SAXO2: variants seen among roughly 807,000 people sequenced by gnomAD.
SAXO2 encodes the protein family with sequence similarity 154, member B.
In SAXO2, 17 loss-of-function variants were observed where a neutral mutation model predicts 18.7. The observed-to-expected ratio is 0.91, with a 90% confidence interval of 0.62 to 1.36. The LOEUF is 1.36. Ranked by LOEUF, SAXO2 falls within the 40% of genes most tolerant of loss-of-function variation. SAXO2 has a pLI of 0.00. For synonymous variants in SAXO2, 163 were observed against 181.2 expected, an observed-to-expected ratio of 0.90 and a Z score of 0.81; for missense variants, 486 against 562.6, an observed-to-expected ratio of 0.86 and a Z score of 1.38.
chr15:82,271,708 T>C lies in SAXO2; in HGVS notation c.339T>C (p.Asp113=), dbSNP rs1252630825. Residue 113 remains aspartate (D), a synonymous_variant, in exon 3 of 4, where the codon GAT becomes GAC. Transcript: ENST00000682753. ...KIDLGTTYKR[D]LNSYKVQPVA... ...ATCTTGGTACTACCTACAAACGGGATTTGAATTCGTATAAAGTGCAGCCTG... is the reference window on the plus strand; with the variant it reads ...ATCTTGGTACTACCTACAAACGGGACTTGAATTCGTATAAAGTGCAGCCTG... 1.2e-6 allele frequency: 2 copies of C among 1,614,080 alleles called. No homozygotes were observed. The highest frequency in any genetic ancestry group is 8.5e-7 in the Non-Finnish European group (1 of 1,179,970).
Position 82,263,153 on chromosome 15 carries a change from A to G in SAXO2, c.53+221A>G, listed in dbSNP as rs543949582. ...TTTGTTCGTAGCCCCTGAGACTCCCAATCAAGGATGCAAAGTAAAATGCCA... is the reference window on the plus strand; with the variant it reads ...TTTGTTCGTAGCCCCTGAGACTCCCGATCAAGGATGCAAAGTAAAATGCCA... On this transcript the variant is annotated intron_variant, in intron 1 of 3. Transcript: ENST00000682753. 35 of 1,456,518 alleles carry G rather than the reference A, an allele frequency of 2.4e-5. No homozygotes were observed. In the East Asian group the frequency reaches 7.2e-4, roughly 30 times the overall value. The allele number at this position is 1,456,518 out of a possible 1,614,324, so 90.2% of individuals were successfully genotyped here. A position where few individuals can be genotyped will look rare whatever the true frequency, so the allele number is the denominator to read the frequency against.
chr15:82,282,135 G>A lies in SAXO2; in HGVS notation c.450G>A (p.Trp150Ter). 1 of 1,610,684 alleles carries A rather than the reference G, an allele frequency of 6.2e-7. No individual in the cohort carries two copies. The highest frequency in any genetic ancestry group is 8.5e-7 in the Non-Finnish European group (1 of 1,178,840). ...ATTTTCAAGACGATTATAGAGCTTGGGACCTTCATAAAAGTGAACTTTATA... is the reference window on the plus strand; with the variant it reads ...ATTTTCAAGACGATTATAGAGCTTGAGACCTTCATAAAAGTGAACTTTATA... ...VPTYKDDYRA[W>*]DLHKSELYKP... is the part of the protein sequence containing the mutation. Residue 150 changes from tryptophan to a stop codon, truncating the protein, a stop_gained, in exon 4 of 4, where the codon TGG (tryptophan) becomes TGA (stop). Transcript: ENST00000682753. LOFTEE classifies it low-confidence loss of function (END_TRUNC).
intron 2 of SAXO2, among the ~76,000 whole-genome samples, chr15:82,266,878 A>G (rs1158765197): frequency 2.0e-5 from 3 of 152,208 alleles, no homozygotes; most frequent in Non-Finnish European, 4.4e-5. Flanking sequence ...TAGGTACCCA[A>G]TATTTGTTCA....
chr15:82,274,074 A>G (rs866269693), intron 3 of SAXO2, among the ~76,000 whole-genome samples: 9 of 151,998 alleles, frequency 5.9e-5, no homozygotes, highest in South Asian at 4.1e-4. Context: ...TTTTTCTACA[A>G]GATCCATAAG....
chr15:82,270,435 A>T (rs764232306), intron 2 of SAXO2, among the ~76,000 whole-genome samples: 23 of 152,228 alleles, frequency 1.5e-4, no homozygotes, highest in Non-Finnish European at 2.8e-4. Context: ...CACATGGAAG[A>T]CATTGTGAAC....
chr15:82,267,070 G>A (rs1596026780), intron 2 of SAXO2, among the ~76,000 whole-genome samples: 1 of 152,162 alleles, frequency 6.6e-6, no homozygotes. Context: ...TGTCAAGTTT[G>A]TGAACCCCAA....
chr15:82,264,783 G>A, intron 1 of SAXO2: 1 of 696,540 alleles, frequency 1.4e-6, no homozygotes, highest in Non-Finnish European at 2.6e-6. Context: ...GCCAAGTTAG[G>A]AAACCAGCTT....
chr15:82,282,638 A>G lies in SAXO2; in HGVS notation c.953A>G (p.Tyr318Cys). Residue 318 changes from tyrosine to cysteine, a missense_variant, in exon 4 of 4, where the codon TAT (tyrosine) becomes TGT (cysteine). Coordinates refer to ENST00000682753, the MANE Select transcript of SAXO2 (RefSeq NM_001348699.2). ...ACAAGCCATCTTGACTATGTTCCAT[A>G]TCAGGCCAACCATGTTGTTCCCATC... ...NSTSHLDYVP[Y>C]QANHVVPIRP... is the part of the protein sequence containing the mutation. The G allele has an allele frequency of 3.1e-6, 5 of 1,614,214 alleles. No individual in the cohort carries two copies. The highest frequency in any genetic ancestry group is 4.2e-6 in the Non-Finnish European group (5 of 1,180,040).
At chr15:82,265,508 A>T in intron 1 of SAXO2, 61 bp from the exon 2 acceptor site, 2 of 1,210,112 alleles carry the variant, frequency 1.7e-6, no homozygotes, top group Non-Finnish European at 1.1e-6. Flanking sequence ...GTCTCTGATT[A>T]AAACGCAGTT....
chr15:82,267,979 A>G (rs1388268847), intron 2 of SAXO2, among the ~76,000 whole-genome samples: 3 of 152,240 alleles, frequency 2.0e-5, no homozygotes, highest in African/African-American at 4.8e-5. Context: ...AATGAGGATG[A>G]CATGGAACAT....
intron 3 of SAXO2, among the ~76,000 whole-genome samples, chr15:82,278,825 T>C (rs1957331467): frequency 6.6e-6 from 1 of 152,030 alleles, no homozygotes; most frequent in Admixed American, 6.6e-5. Flanking sequence ...TAAGCAAAAG[T>C]AACAAAAGAA....
At chr15:82,275,436 G>A (rs946085665) in intron 3 of SAXO2, among the ~76,000 whole-genome samples, 3 of 149,948 alleles carry the variant, frequency 2.0e-5, no homozygotes, top group African/African-American at 7.3e-5. Context: ...TGTGAAACTA[G>A]TATGATCCTG....
intron 3 of SAXO2, among the ~76,000 whole-genome samples, chr15:82,273,468 G>A (rs956538477): frequency 3.3e-5 from 5 of 152,038 alleles, no homozygotes; most frequent in African/African-American, 4.8e-5. Flanking sequence ...CCCATTCAAC[G>A]AGTAAGTAAA....
chr15:82,272,362 G>A (rs2075279662), intron 3 of SAXO2, among the ~76,000 whole-genome samples: 1 of 152,168 alleles, frequency 6.6e-6, no homozygotes, highest in East Asian at 1.9e-4. Flanking sequence ...GAATTAGATA[G>A]GCTTATCTAC....
chr15:82,278,713 G>T (rs1337624111), intron 3 of SAXO2, among the ~76,000 whole-genome samples: 3 of 152,052 alleles, frequency 2.0e-5, no homozygotes, highest in African/African-American at 7.2e-5. Context: ...GTGTGTTTTT[G>T]ATCATAACAG....
chr15:82,278,246 C>T (rs746613639), intron 3 of SAXO2, among the ~76,000 whole-genome samples: 2 of 152,190 alleles, frequency 1.3e-5, no homozygotes, highest in Admixed American at 1.3e-4. Flanking sequence ...TAGAGACCTA[C>T]TACATCAAGT....
intron 3 of SAXO2, among the ~76,000 whole-genome samples, chr15:82,273,481 G>A (rs917968472): frequency 1.3e-5 from 2 of 152,146 alleles, no homozygotes; most frequent in Admixed American, 6.5e-5. Flanking sequence ...TAAGTAAAGT[G>A]CAGGATATCA....
Position 82,276,549 on chromosome 15 carries a change from G to A in SAXO2, c.433+4747G>A, listed in dbSNP as rs907483243. 2.0e-4 allele frequency among the ~76,000 whole-genome samples: 30 copies of A among 152,076 alleles called. 1 individual carries two copies. Among genetic ancestry groups the A allele is most frequent in the Admixed American group, 1.7e-3 (26 of 15,268 alleles). On this transcript the variant is annotated intron_variant, in intron 3 of 3. Transcript: ENST00000682753. Reference sequence around the variant, plus strand: ...ACAGAATGGAGACCCCTGAAATTAAGCCAGACACCTAGAACCACCTGATTG... The same window carrying A: ...ACAGAATGGAGACCCCTGAAATTAAACCAGACACCTAGAACCACCTGATTG...
intron 2 of SAXO2, among the ~76,000 whole-genome samples, chr15:82,270,764 C>T (rs186518245): frequency 1.3e-5 from 2 of 152,256 alleles, no homozygotes; most frequent in East Asian, 3.9e-4. Context: ...GTGTGTATAT[C>T]CTTAAAACAA....
Sources: allele counts gnomAD v4.1 joint callset (sites outside exome capture counted in the v4.1 genomes callset), GRCh38; gene constraint gnomAD v4.1.1; transcripts MANE v1.5; gene names NCBI Gene and HGNC (gene_info 2026-07-23, HGNC 2026-07-21).